Variants in ECE1 observed in about 807,000 individuals in gnomAD.
ECE1 encodes the protein endothelin converting enzyme 1.
In ECE1, 35 loss-of-function variants were observed where a neutral mutation model predicts 98.6. The ratio of observed to expected loss-of-function variants is 0.35; its 90% CI spans 0.27 to 0.47. The LOEUF (loss-of-function observed/expected upper bound fraction) is 0.47. Among genes scored for constraint, ECE1 ranks in the 20% least tolerant of loss-of-function variants. The pLI, the probability that ECE1 is intolerant of heterozygous loss-of-function variation, is 1.00. For synonymous variants in ECE1, 394 were observed against 407.1 expected, an observed-to-expected ratio of 0.97 and a Z score of 0.39; for missense variants, 814 against 1,025.3, an observed-to-expected ratio of 0.79 and a Z score of 2.81.
chr1:21,323,822 T>C (rs2103405135), intron 1 of ECE1, among the ~76,000 whole-genome samples: 1 of 149,014 alleles, frequency 6.7e-6, no homozygotes, highest in South Asian at 2.1e-4. Flanking sequence ...TTTCTTTCTT[T>C]TTTTTTTTTT....
Position 21,278,221 on chromosome 1 carries a change from C to T in ECE1, c.280+970G>A, listed in dbSNP as rs1558408346. Among the ~76,000 whole-genome samples, 3 of 152,202 alleles carry T rather than the reference C, an allele frequency of 2.0e-5. No homozygotes were observed. The South Asian group carries it at 6.2e-4, about 32-fold the overall frequency. ...TGAGAGGCCCTGGCTTTGGCTAATT[C>T]CCCATTCTTATTTCTAACTTGGATC... On this transcript the variant is annotated intron_variant, in intron 3 of 18. Coordinates refer to ENST00000374893, the MANE Select transcript of ECE1 (RefSeq NM_001397.3).
At chr1:21,261,853 G>C (rs1240239180) in intron 4 of ECE1, among the ~76,000 whole-genome samples, 1 of 152,234 alleles carries the variant, frequency 6.6e-6, no homozygotes, top group Non-Finnish European at 1.5e-5. Flanking sequence ...GAAGGGAGGG[G>C]AGAGGCCACT....
chr1:21,253,656 G>C lies in ECE1; in HGVS notation c.1020+2291C>G, dbSNP rs191994034. Among the ~76,000 whole-genome samples, 881 of 149,542 alleles carry C rather than the reference G, an allele frequency of 5.9e-3. 8 individuals are homozygous for C. Among genetic ancestry groups the C allele is most frequent in the African/African-American group, 0.018 (737 of 40,750 alleles). ...CGGGTGCCTGTAGTCCCAGCTACTC[G>C]GGAGGCTGAGGTGGGAGAATGGCGT... is the stretch of plus-strand genomic sequence containing the variant. On this transcript the variant is annotated intron_variant, in intron 8 of 18. Transcript: ENST00000374893.
At chr1:21,275,947 G>A (rs1037565305) in intron 3 of ECE1, among the ~76,000 whole-genome samples, 1 of 151,930 alleles carries the variant, frequency 6.6e-6, no homozygotes, top group Admixed American at 6.6e-5. Context: ...TGAACTTCAG[G>A]GCAGGCCAAT....
At chr1:21,245,133 GGGA>G in intron 9 of ECE1, 30 bp from the exon 10 acceptor site, 1 of 1,590,056 alleles carries the variant, frequency 6.3e-7, no homozygotes, top group Non-Finnish European at 8.6e-7. Context: ...GAGAGGCTCA[GGGA>G]CACCTAGGCA....
At chr1:21,292,205 T>C (rs1345442265), upstream of ECE1, among the ~76,000 whole-genome samples, 1 of 151,980 alleles carries the variant, frequency 6.6e-6, no homozygotes, top group East Asian at 1.9e-4. Context: ...CTCCCTTGCT[T>C]AAAAACCCTC....
Position 21,221,850 on chromosome 1 carries a change from G to A in ECE1, c.2041-8C>T. On this transcript the variant is annotated splice_polypyrimidine_tract_variant and splice_region_variant and intron_variant, in intron 17 of 18. Transcript: ENST00000374893. Reference sequence around the variant, plus strand: ...CACCCAGTTCTGGTAAGCCTGGGAGGAGAGAAAACCAAAGCTCAGGGGTTC... The same window carrying A: ...CACCCAGTTCTGGTAAGCCTGGGAGAAGAGAAAACCAAAGCTCAGGGGTTC... 1 of 1,613,878 alleles carries A rather than the reference G, an allele frequency of 6.2e-7. No individual in the cohort carries two copies. The highest frequency in any genetic ancestry group is 8.5e-7 in the Non-Finnish European group (1 of 1,179,782).
intron 4 of ECE1, among the ~76,000 whole-genome samples, chr1:21,269,238 G>A (rs2098237524): frequency 6.6e-6 from 1 of 152,174 alleles, no homozygotes; most frequent in Non-Finnish European, 1.5e-5. Context: ...CCATTTCCTA[G>A]GAAATACATT....
At chr1:21,276,004 A>G (rs1396074913) in intron 3 of ECE1, among the ~76,000 whole-genome samples, 1 of 149,506 alleles carries the variant, frequency 6.7e-6, no homozygotes, top group East Asian at 1.9e-4. Flanking sequence ...GTGTTTGGCA[A>G]CTAGCAGCTG....
intron 11 of ECE1, among the ~76,000 whole-genome samples, chr1:21,237,179 C>T (rs556562890): frequency 2.6e-5 from 4 of 152,312 alleles, no homozygotes; most frequent in East Asian, 1.9e-4. Flanking sequence ...GGAGAAGACA[C>T]AGCCTCTCCC....
At position 21,345,465 on chromosome 1, in the gene ECE1, T is replaced by G. The variant is rs1171905812; in HGVS notation, c.-87A>C. The G allele has an allele frequency of 8.5e-7, 1 of 1,181,376 alleles. No individual in the cohort carries two copies. Among genetic ancestry groups the G allele is most frequent in the Non-Finnish European group, 1.1e-6 (1 of 932,018 alleles). 73.2% of individuals were successfully genotyped at this position (1,181,376 alleles called of 1,614,324 possible). On this transcript the variant is annotated 5_prime_UTR_variant, in exon 1 of 19. Coordinates refer to the ECE1 transcript ENST00000415912. The surrounding 1 kb of genome is among the most constrained non-coding windows in gnomAD (Gnocchi z 5.1). Reference sequence around the variant, plus strand: ...CCGGGTTCCCTGCTCCCAGCCCAGCTGCTCGGACGGCTCGGCTGCCTGGCC... The same window carrying G: ...CCGGGTTCCCTGCTCCCAGCCCAGCGGCTCGGACGGCTCGGCTGCCTGGCC...
chr1:21,257,017 G>A (rs1319857302), intron 7 of ECE1, among the ~76,000 whole-genome samples: 1 of 152,132 alleles, frequency 6.6e-6, no homozygotes, highest in African/African-American at 2.4e-5. Context: ...GGCATCACAA[G>A]AGGCAGGCCA....
chr1:21,242,076 G>A (rs1026740446), intron 10 of ECE1, among the ~76,000 whole-genome samples: 2 of 152,094 alleles, frequency 1.3e-5, no homozygotes, highest in East Asian at 1.9e-4. Flanking sequence ...GATGAGAAAC[G>A]GCTGCATGCA....
chr1:21,266,705 C>A (rs1265914390), intron 4 of ECE1: 2 of 152,346 alleles, frequency 1.3e-5, no homozygotes, highest in East Asian at 3.9e-4. Flanking sequence ...GCTGTGTGTG[C>A]ATCTTGTCCT....
chr1:21,345,289 G>A lies in ECE1; in HGVS notation c.3+87C>T, dbSNP rs1639476572. On this transcript the variant is annotated intron_variant, in intron 1 of 18. Transcript: ENST00000415912. This position sits in a 1 kb window ranked among gnomAD's most constrained non-coding sequence, Gnocchi z 5.1. ...GGCGCCCAGCCCCCCGCGAGCCAGG[G>A]CGGCCCCGGGTGCCACCCGCGGCAC... 1.5e-6 allele frequency: 2 copies of A among 1,293,244 alleles called. No homozygotes were observed. Among genetic ancestry groups the A allele is most frequent in the Non-Finnish European group, 2.0e-6 (2 of 1,014,238 alleles). The allele number at this position is 1,293,244 out of a possible 1,614,324, so 80.1% of individuals were successfully genotyped here. A position where few individuals can be genotyped will look rare whatever the true frequency, so the allele number is the denominator to read the frequency against.
rs368388077 is a variant in ECE1 at position 21,290,163 on chromosome 1, G to A, written c.52-7C>T. 7.0e-6 allele frequency: 11 copies of A among 1,560,774 alleles called. No individual in the cohort carries two copies. The African/African-American group carries it at 8.5e-5, about 12-fold the overall frequency. On this transcript the variant is annotated splice_region_variant and splice_polypyrimidine_tract_variant and intron_variant, in intron 1 of 18. Coordinates refer to ENST00000374893, the MANE Select transcript of ECE1 (RefSeq NM_001397.3). This position sits in a 1 kb window ranked among gnomAD's most constrained non-coding sequence, Gnocchi z 7.3. ...CCCGCTTGTACGTCGACATCTGCAAGGCCAAATGCAGCACGGACTCCCTCA... is the reference window on the plus strand; with the variant it reads ...CCCGCTTGTACGTCGACATCTGCAAAGCCAAATGCAGCACGGACTCCCTCA...
At chr1:21,343,279 G>C (rs904956554) in intron 1 of ECE1, among the ~76,000 whole-genome samples, 1 of 152,206 alleles carries the variant, frequency 6.6e-6, no homozygotes, top group Admixed American at 6.5e-5. Context: ...CTCACATGGG[G>C]TTTGGCTTAG....
intron 1 of ECE1, among the ~76,000 whole-genome samples, chr1:21,338,664 A>T (rs982214664): frequency 1.3e-5 from 2 of 152,210 alleles, no homozygotes; most frequent in African/African-American, 4.8e-5. Flanking sequence ...GGGAAGACTG[A>T]GGCCCACGAA....
intron 3 of ECE1, among the ~76,000 whole-genome samples, chr1:21,275,609 A>C (rs1437188302): frequency 3.9e-5 from 6 of 152,136 alleles, no homozygotes; most frequent in African/African-American, 1.4e-4. Flanking sequence ...TAAATAAATA[A>C]AGCAGTCTCA....
Sources: allele counts gnomAD v4.1 joint callset (sites outside exome capture counted in the v4.1 genomes callset), GRCh38; gene constraint gnomAD v4.1.1; non-coding constraint Gnocchi (gnomAD v3.1); transcripts MANE v1.5; gene names NCBI Gene and HGNC (gene_info 2026-07-23, HGNC 2026-07-21).